The following GRID2 variants were observed in gnomAD, a reference collection of about 807,000 sequenced individuals.
The protein encoded by GRID2 is glutamate ionotropic receptor delta type subunit 2.
A neutral mutation model predicts 114.8 loss-of-function variants in GRID2; 33 were observed. The observed-to-expected ratio is 0.29, with a 90% CI of 0.22 to 0.38. The LOEUF (loss-of-function observed/expected upper bound fraction) is 0.38, where lower values mean the gene tolerates loss of function less well. Among genes scored for constraint, GRID2 ranks in the 10% least tolerant of loss-of-function variants. The pLI is 1.00. For missense variants in GRID2, 1,184 were observed against 1,257.7 expected (o/e 0.94, Z 0.89); for synonymous variants, 505 against 449.9 (o/e 1.12, Z -1.55).
chr4:93,779,700 G>A (rs968155467), intron 1 of GRID2, among the ~76,000 whole-genome samples: 1 of 152,198 alleles, frequency 6.6e-6, no homozygotes, highest in African/African-American at 2.4e-5. Flanking sequence ...AGGCTGCATG[G>A]AACAAGTGGA....
intron 14 of GRID2, among the ~76,000 whole-genome samples, chr4:93,722,891 C>T (rs779878013): frequency 6.6e-6 from 1 of 152,164 alleles, no homozygotes; most frequent in Non-Finnish European, 1.5e-5. Flanking sequence ...CTCTTCATTG[C>T]CTTCAGAGAA....
chr4:92,965,450 TAAAAAA>T (rs869285420), intron 2 of GRID2, among the ~76,000 whole-genome samples: 21 of 85,748 alleles, frequency 2.4e-4, no homozygotes, highest in African/African-American at 7.9e-4. Flanking sequence ...ATTCAATTTG[TAAAAAA>T]AAAAAAAAAA....
chr4:93,020,670 A>T (rs932402756), intron 2 of GRID2, among the ~76,000 whole-genome samples: 4 of 152,212 alleles, frequency 2.6e-5, no homozygotes, highest in Admixed American at 2.6e-4. Context: ...AACCTTAAGA[A>T]ATAAAAGACT....
intron 14 of GRID2, among the ~76,000 whole-genome samples, chr4:93,627,521 A>G (rs911112921): frequency 1.3e-5 from 2 of 152,214 alleles, no homozygotes; most frequent in Non-Finnish European, 2.9e-5. Flanking sequence ...TTTTCTGTGT[A>G]GCAAACAACT....
intron 2 of GRID2, among the ~76,000 whole-genome samples, chr4:92,899,459 C>A (rs1287669504): frequency 1.3e-5 from 2 of 152,168 alleles, no homozygotes; most frequent in East Asian, 3.9e-4. Flanking sequence ...TAATATCAGT[C>A]TTGAGCTACT....
intron 10 of GRID2, among the ~76,000 whole-genome samples, chr4:93,434,681 T>C (rs1720901482): frequency 6.6e-6 from 1 of 152,188 alleles, no homozygotes; most frequent in South Asian, 2.1e-4. Flanking sequence ...TTTCCACTCT[T>C]GACTGCCTTC....
chr4:92,961,568 C>T (rs114662533), intron 2 of GRID2, among the ~76,000 whole-genome samples: 3,770 of 150,718 alleles, frequency 0.025, 80 homozygotes, highest in African/African-American at 0.054. Context: ...TGCTTTTTTT[C>T]TTTCTCTCTA....
chr4:93,539,622 T>C (rs1732451083), intron 13 of GRID2, among the ~76,000 whole-genome samples: 1 of 152,028 alleles, frequency 6.6e-6, no homozygotes. Context: ...CATAACCTTC[T>C]TAGGAAAAAT....
intron 2 of GRID2, among the ~76,000 whole-genome samples, chr4:92,868,939 A>G (rs932102926): frequency 1.3e-5 from 2 of 152,182 alleles, no homozygotes; most frequent in Non-Finnish European, 2.9e-5. Context: ...AAGGGATTTC[A>G]AATTGTTTGA....
At chr4:92,342,129 T>C (rs992564903) in intron 1 of GRID2, among the ~76,000 whole-genome samples, 5 of 152,070 alleles carry the variant, frequency 3.3e-5, no homozygotes, top group African/African-American at 1.2e-4. Flanking sequence ...GAACTTACAA[T>C]CTATTTGGGG....
intron 2 of GRID2, among the ~76,000 whole-genome samples, chr4:92,981,782 C>T (rs1331666536): frequency 6.6e-6 from 1 of 151,760 alleles, no homozygotes; most frequent in African/African-American, 2.4e-5. Context: ...CACAGCTAAT[C>T]AATACAATAT....
chr4:92,905,882 CTAAT>C (rs1560687249), intron 2 of GRID2, among the ~76,000 whole-genome samples: 2 of 152,002 alleles, frequency 1.3e-5, no homozygotes, highest in African/African-American at 2.4e-5. Context: ...TGATGAATTT[CTAAT>C]TAATTTATTA....
intron 2 of GRID2, among the ~76,000 whole-genome samples, chr4:92,814,143 G>T (rs11735581): frequency 0.047 from 7,145 of 152,066 alleles, 195 homozygotes; most frequent in African/African-American, 0.076. Context: ...CATGGAGTGG[G>T]CACATTTTGT....
chr4:93,657,890 G>A (rs1445140245), intron 14 of GRID2, among the ~76,000 whole-genome samples: 1 of 152,178 alleles, frequency 6.6e-6, no homozygotes, highest in Non-Finnish European at 1.5e-5. Context: ...GCTTTTGAGG[G>A]CAATCAAGAT....
chr4:92,702,695 T>G (rs924006842), intron 2 of GRID2: 10 of 151,828 alleles, frequency 6.6e-5, no homozygotes, highest in Non-Finnish European at 1.5e-4. Flanking sequence ...TTATTATATA[T>G]TAATATTATT....
At chr4:93,674,753 T>C (rs1724705552) in intron 14 of GRID2, among the ~76,000 whole-genome samples, 2 of 152,130 alleles carry the variant, frequency 1.3e-5, no homozygotes, top group African/African-American at 4.8e-5. Flanking sequence ...ATAAATATAT[T>C]TTCTTTATTG....
chr4:92,506,921 C>T (rs183123920), intron 1 of GRID2, among the ~76,000 whole-genome samples: 1 of 151,914 alleles, frequency 6.6e-6, no homozygotes, highest in African/African-American at 2.4e-5. Context: ...TCTTCTTCAT[C>T]TTGTTCTCTA....
intron 4 of GRID2, among the ~76,000 whole-genome samples, chr4:93,113,809 C>A (rs1291606908): frequency 6.6e-6 from 1 of 151,920 alleles, no homozygotes. Flanking sequence ...TTGAGTTGAG[C>A]GTTAAAGGAC....
At chr4:93,804,868 A>G (rs961976310) in intron 1 of GRID2, among the ~76,000 whole-genome samples, 1 of 152,062 alleles carries the variant, frequency 6.6e-6, no homozygotes, top group Admixed American at 6.5e-5. Flanking sequence ...TGCAACTACT[A>G]TATCTATTAG....
Sources: gnomAD v4.1 joint callset for allele counts (sites outside exome capture counted in the v4.1 genomes callset) on GRCh38, gnomAD v4.1.1 for gene constraint, MANE v1.5 for transcripts, NCBI Gene and HGNC (gene_info 2026-07-23, HGNC 2026-07-21) for gene names.